LRRC4C: variants seen among roughly 807,000 people sequenced by gnomAD.
LRRC4C encodes leucine-rich repeat-containing protein 4C.
Under a neutral mutation model 33.6 loss-of-function variants are expected in LRRC4C, and 5 were observed. That is an observed-to-expected ratio of 0.15 (90% CI 0.08 to 0.31). The LOEUF (loss-of-function observed/expected upper bound fraction) is 0.31, where lower values mean the gene tolerates loss of function less well. LRRC4C is among the 10% of genes least tolerant of loss of function. The probability of loss-of-function intolerance (pLI) is 1.00; values close to 1 mark genes in which losing one functional copy is unlikely to be tolerated. For missense variants in LRRC4C, 560 were observed against 796.7 expected (o/e 0.70, Z 3.58); for synonymous variants, 329 against 302.0 (o/e 1.09, Z -0.93).
intron 6 of LRRC4C, among the ~76,000 whole-genome samples, chr11:40,131,454 T>C (rs1856638021): frequency 6.6e-6 from 1 of 152,182 alleles, no homozygotes; most frequent in African/African-American, 2.4e-5. Flanking sequence ...GTATCCTAAA[T>C]ATTACATCCA....
intron 2 of LRRC4C, among the ~76,000 whole-genome samples, chr11:40,652,256 A>G (rs1942854986): frequency 6.6e-6 from 1 of 152,174 alleles, no homozygotes; most frequent in African/African-American, 2.4e-5. Flanking sequence ...ATAGATATCT[A>G]GGATCTAAAA....
intron 4 of LRRC4C, among the ~76,000 whole-genome samples, chr11:40,283,208 A>G (rs1161434010): frequency 6.6e-6 from 1 of 152,220 alleles, no homozygotes; most frequent in Non-Finnish European, 1.5e-5. Context: ...AAATATATTT[A>G]AAGAACTATT....
intron 2 of LRRC4C, among the ~76,000 whole-genome samples, chr11:40,823,140 G>C (rs1952011968): frequency 6.6e-6 from 1 of 151,656 alleles, no homozygotes; most frequent in African/African-American, 2.4e-5. Flanking sequence ...TGCCAACAAA[G>C]AGCTTAGCCT....
At chr11:41,327,857 C>T (rs1465571369) in intron 1 of LRRC4C, among the ~76,000 whole-genome samples, 1 of 152,188 alleles carries the variant, frequency 6.6e-6, no homozygotes, top group East Asian at 1.9e-4. Context: ...CTCCTTTTCA[C>T]CTTCCACCAT....
rs1271005640 is a variant in LRRC4C, at chr11:41,457,294, T to A, written c.-496+2137A>T. 3.3e-5 allele frequency among the ~76,000 whole-genome samples: 5 copies of A among 152,272 alleles called. No individual in the cohort carries two copies. The East Asian group carries it at 9.7e-4, about 29-fold the overall frequency. ...ACGACATTTTTAAAGGACCTCTCTC[T>A]ATTCAGAACAGTCCTAACACTAAAT... is the stretch of plus-strand genomic sequence containing the variant. On this transcript the variant is annotated intron_variant, in intron 1 of 6. Transcript: ENST00000528697.
intron 2 of LRRC4C, among the ~76,000 whole-genome samples, chr11:40,890,357 C>T (rs1320472001): frequency 3.3e-5 from 5 of 152,092 alleles, no homozygotes; most frequent in Non-Finnish European, 7.4e-5. Flanking sequence ...AAAGAGAGAA[C>T]AAAAGAAGGC....
At chr11:41,169,557 A>G (rs577321850) in intron 1 of LRRC4C, among the ~76,000 whole-genome samples, 3 of 152,150 alleles carry the variant, frequency 2.0e-5, no homozygotes, top group Non-Finnish European at 2.9e-5. Context: ...AGACTCTCCA[A>G]TTAGAATATG....
chr11:41,271,229 T>G (rs2136837635), intron 1 of LRRC4C, among the ~76,000 whole-genome samples: 1 of 152,126 alleles, frequency 6.6e-6, no homozygotes, highest in Non-Finnish European at 1.5e-5. Flanking sequence ...CCTTCCTAAC[T>G]TAAGTATTTT....
chr11:41,115,755 T>G (rs938341761), intron 1 of LRRC4C, among the ~76,000 whole-genome samples: 2 of 152,104 alleles, frequency 1.3e-5, no homozygotes. Context: ...TCTCCCCGGA[T>G]TGTGCACTAA....
At chr11:41,199,167 T>C (rs1479221359) in intron 1 of LRRC4C, among the ~76,000 whole-genome samples, 1 of 152,152 alleles carries the variant, frequency 6.6e-6, no homozygotes, top group Non-Finnish European at 1.5e-5. Context: ...AGTAAGGCAC[T>C]TAGTAATTTC....
intron 3 of LRRC4C, among the ~76,000 whole-genome samples, chr11:40,620,819 A>T (rs1962377387): frequency 6.6e-6 from 1 of 151,816 alleles, no homozygotes; most frequent in Non-Finnish European, 1.5e-5. Flanking sequence ...GTAACTTTTC[A>T]TTGGTAGGGA....
chr11:41,184,062 A>T (rs1257618777), intron 1 of LRRC4C, among the ~76,000 whole-genome samples: 1 of 152,196 alleles, frequency 6.6e-6, no homozygotes, highest in East Asian at 1.9e-4. Flanking sequence ...TGCACACAGC[A>T]CAGGGACCCT....
At chr11:40,939,542 C>T (rs567755873) in intron 1 of LRRC4C, among the ~76,000 whole-genome samples, 30 of 152,074 alleles carry the variant, frequency 2.0e-4, no homozygotes, top group South Asian at 4.2e-4. Flanking sequence ...GTTAACTGCC[C>T]GCTCGGTTTT....
intron 2 of LRRC4C, among the ~76,000 whole-genome samples, chr11:40,674,080 A>G (rs1944267785): frequency 6.6e-6 from 1 of 152,220 alleles, no homozygotes; most frequent in Non-Finnish European, 1.5e-5. Context: ...ATGCTTTAAT[A>G]CTGTTAATTC....
intron 2 of LRRC4C, among the ~76,000 whole-genome samples, chr11:40,740,552 C>T (rs1285674341): frequency 6.6e-6 from 1 of 151,908 alleles, no homozygotes; most frequent in Non-Finnish European, 1.5e-5. Flanking sequence ...ATCACCTCAT[C>T]AATTGTATAG....
chr11:40,656,281 A>T (rs921544971), intron 2 of LRRC4C, among the ~76,000 whole-genome samples: 1 of 147,694 alleles, frequency 6.8e-6, no homozygotes, highest in Non-Finnish European at 1.5e-5. Flanking sequence ...CTATTCTCCC[A>T]TTCTTGTTTT....
intron 1 of LRRC4C, among the ~76,000 whole-genome samples, chr11:41,049,135 T>A (rs949865446): frequency 6.6e-6 from 1 of 152,200 alleles, no homozygotes; most frequent in Non-Finnish European, 1.5e-5. Flanking sequence ...GCTCCCATAA[T>A]TCCCACGTAT....
At chr11:41,172,267 G>A (rs1040122958) in intron 1 of LRRC4C, among the ~76,000 whole-genome samples, 4 of 152,046 alleles carry the variant, frequency 2.6e-5, no homozygotes, top group Non-Finnish European at 5.9e-5. Flanking sequence ...TTCATGACAG[G>A]AAATAAAATT....
chr11:40,317,203 A>G (rs1208417675), intron 4 of LRRC4C, among the ~76,000 whole-genome samples: 1 of 151,510 alleles, frequency 6.6e-6, no homozygotes, highest in African/African-American at 2.4e-5. Flanking sequence ...TTTTAGGAGC[A>G]GGACATCCTA....
Sources: allele counts gnomAD v4.1 joint callset (sites outside exome capture counted in the v4.1 genomes callset), GRCh38; gene constraint gnomAD v4.1.1; transcripts MANE v1.5; gene names NCBI Gene and HGNC (gene_info 2026-07-23, HGNC 2026-07-21).